Variants in DOCK9 observed in about 807,000 individuals in gnomAD.
DOCK9 encodes dedicator of cytokinesis protein 9.
In DOCK9, 89 loss-of-function variants were observed where a neutral mutation model predicts 263.3. The ratio of observed to expected loss-of-function variants is 0.34; its 90% confidence interval spans 0.28 to 0.40. The LOEUF (loss-of-function observed/expected upper bound fraction) is 0.40. Among genes scored for constraint, DOCK9 ranks in the 10% least tolerant of loss-of-function variants. The pLI, the probability that DOCK9 is intolerant of heterozygous loss-of-function variation, is 1.00. For synonymous variants in DOCK9, 976 were observed against 973.1 expected (o/e 1.00, Z -0.06); for missense variants, 2,140 against 2,603.4 (o/e 0.82, Z 3.87).
intron 9 of DOCK9, among the ~76,000 whole-genome samples, chr13:98,905,124 G>C (rs1454230425): frequency 6.6e-6 from 1 of 152,220 alleles, no homozygotes; most frequent in Admixed American, 6.5e-5. Context: ...CCAGATGATA[G>C]ACAGGATTTA....
At chr13:98,999,312 A>T (rs61968894) in intron 1 of DOCK9, among the ~76,000 whole-genome samples, 21,583 of 109,680 alleles carry the variant, frequency 0.2, 2,286 homozygotes, top group East Asian at 0.46. Flanking sequence ...ACACACACAC[A>T]CACACTCTCT....
chr13:98,981,928 G>A (rs545895239), upstream of DOCK9, among the ~76,000 whole-genome samples: 124 of 152,312 alleles, frequency 8.1e-4, no homozygotes, highest in African/African-American at 2.8e-3. Context: ...ACAACAAGGT[G>A]TATGTCCGAC....
chr13:98,914,228 A>C, intron 9 of DOCK9, 100 bp downstream of exon 9: 1 of 1,017,686 alleles, frequency 9.8e-7, no homozygotes, highest in Non-Finnish European at 1.4e-6. Context: ...TCACAATGTA[A>C]TTTTTATGAT....
At chr13:98,896,518 G>C (rs1475474821) in intron 15 of DOCK9, among the ~76,000 whole-genome samples, 1 of 150,456 alleles carries the variant, frequency 6.6e-6, no homozygotes, top group Non-Finnish European at 1.5e-5. Context: ...GGATACCTTT[G>C]GCATAGAATA....
chr13:98,903,408 C>T (rs1412102410), intron 10 of DOCK9, among the ~76,000 whole-genome samples: 3 of 151,720 alleles, frequency 2.0e-5, no homozygotes, highest in African/African-American at 7.3e-5. Flanking sequence ...CCTGGCTAAC[C>T]CAGTGAGACC....
intron 2 of DOCK9, among the ~76,000 whole-genome samples, chr13:98,948,634 A>G (rs539449924): frequency 6.6e-6 from 1 of 152,290 alleles, no homozygotes; most frequent in African/African-American, 2.4e-5. Flanking sequence ...TTCAACCATC[A>G]CCACCATCCA....
intron 1 of DOCK9, among the ~76,000 whole-genome samples, chr13:99,000,940 A>G (rs1359728739): frequency 6.6e-6 from 1 of 152,202 alleles, no homozygotes; most frequent in African/African-American, 2.4e-5. Context: ...GTGGGAGGGC[A>G]AGGCTCTGCA....
chr13:98,930,867 C>A (rs1338836294), intron 2 of DOCK9, among the ~76,000 whole-genome samples: 1 of 152,176 alleles, frequency 6.6e-6, no homozygotes, highest in Non-Finnish European at 1.5e-5. Context: ...TGGTCTCGAA[C>A]TCCTAATCTC....
chr13:98,991,727 G>A (rs1879853342), intron 1 of DOCK9, among the ~76,000 whole-genome samples: 1 of 151,668 alleles, frequency 6.6e-6, no homozygotes. Context: ...TTAGTGGAAA[G>A]TGTTGGACTA....
At chr13:98,950,442 TG>T in intron 2 of DOCK9, 2 of 675,750 alleles carry the variant, frequency 3.0e-6, no homozygotes, top group South Asian at 3.3e-5. Flanking sequence ...GCTCTTGCTC[TG>T]CCATCTTTCT....
At chr13:99,019,786 T>C (rs1215543838) in intron 1 of DOCK9, among the ~76,000 whole-genome samples, 1 of 152,104 alleles carries the variant, frequency 6.6e-6, no homozygotes, top group Non-Finnish European at 1.5e-5. Flanking sequence ...GTGAATTCTA[T>C]CTCAAAGCTG....
intron 1 of DOCK9, among the ~76,000 whole-genome samples, chr13:99,032,910 T>C (rs1294449258): frequency 6.6e-6 from 1 of 152,196 alleles, no homozygotes; most frequent in South Asian, 2.1e-4. Context: ...CACATTCCCA[T>C]AGTTCAAAGC....
At chr13:98,834,320 A>G (rs1294909687) in intron 39 of DOCK9, 1 of 152,228 alleles carries the variant, frequency 6.6e-6, no homozygotes, top group African/African-American at 2.4e-5. Context: ...TATGTACACA[A>G]TTATTTTAAA....
rs144777299 is a variant in DOCK9 at position 98,987,607 on chromosome 13, A to T, written c.130-32056T>A. ...TTGCCAAGACCTAAAGCTAGAAGTC[A>T]ATACTTTTTTATTATAACTGCCACA... On this transcript the variant is annotated intron_variant, in intron 1 of 32. Coordinates refer to the DOCK9 transcript ENST00000427887. Among the ~76,000 whole-genome samples the T allele has an allele frequency of 1.4e-4, 21 of 152,366 alleles. No homozygotes were observed. In the East Asian group the frequency reaches 3.5e-3, roughly 25 times the overall value.
chr13:98,865,981 G>C, intron 30 of DOCK9, among the ~76,000 whole-genome samples: 1 of 148,134 alleles, frequency 6.8e-6, no homozygotes, highest in Non-Finnish European at 1.5e-5. Context: ...GGGGGTGTGA[G>C]ACCACAGAGG....
rs775490704 is a variant in DOCK9 at position 98,930,261 on chromosome 13, G to C, written c.244-4C>G. ...CCTGTCGTCTCAGGATGGCCGTCTG[G>C]AAACAAAAACAGGAGGAAAAGCCTT... On this transcript the variant is annotated splice_region_variant and splice_polypyrimidine_tract_variant and intron_variant, in intron 2 of 52. Coordinates refer to ENST00000682017, the MANE Select transcript of DOCK9 (RefSeq NM_001366683.2). The C allele has an allele frequency of 1.9e-6, 3 of 1,606,736 alleles. No individual in the cohort carries two copies. The highest frequency in any genetic ancestry group is 3.4e-5 in the Admixed American group (2 of 59,002).
At chr13:99,000,168 A>G (rs1289829557) in intron 1 of DOCK9, among the ~76,000 whole-genome samples, 3 of 152,174 alleles carry the variant, frequency 2.0e-5, no homozygotes, top group Non-Finnish European at 2.9e-5. Context: ...AGGGGCTCCT[A>G]TCACCAACTC....
intron 1 of DOCK9, among the ~76,000 whole-genome samples, chr13:98,983,432 A>T (rs193236062): frequency 6.6e-6 from 1 of 152,194 alleles, no homozygotes; most frequent in Admixed American, 6.5e-5. Context: ...TGATTCAGGG[A>T]GTGAGGCAGG....
chr13:98,946,853 ACTGT>A (rs1487728271), intron 2 of DOCK9, among the ~76,000 whole-genome samples: 2 of 151,978 alleles, frequency 1.3e-5, no homozygotes, highest in African/African-American at 4.8e-5. Context: ...CCATGGAGAG[ACTGT>A]CTGCCCTCTC....
Sources: gnomAD v4.1 joint callset for allele counts (sites outside exome capture counted in the v4.1 genomes callset) on GRCh38, gnomAD v4.1.1 for gene constraint, MANE v1.5 for transcripts, NCBI Gene and HGNC (gene_info 2026-07-23, HGNC 2026-07-21) for gene names.